Variants in UNC80 observed in about 807,000 individuals in gnomAD.
UNC80 encodes protein unc-80 homolog.
In UNC80, 164 loss-of-function variants were observed where a neutral mutation model predicts 384.6. The observed-to-expected ratio is 0.43, with a 90% CI of 0.38 to 0.49. The LOEUF is 0.49. Among genes scored for constraint, UNC80 ranks in the 20% least tolerant of loss-of-function variants. The pLI is 0.00. For missense variants in UNC80, 3,330 were observed against 4,143.0 expected, an observed-to-expected ratio of 0.80 and a Z score of 5.39; for synonymous variants, 1,486 against 1,527.8, an observed-to-expected ratio of 0.97 and a Z score of 0.64.
At chr2:209,994,938 TA>T (rs772197738) in intron 64 of UNC80, among the ~76,000 whole-genome samples, 2 of 152,234 alleles carry the variant, frequency 1.3e-5, no homozygotes, top group African/African-American at 2.4e-5. Context: ...TGTTTTGGTA[TA>T]TTTTTTCTTT....
chr2:209,801,315 G>A (rs1003127465), intron 7 of UNC80, among the ~76,000 whole-genome samples: 7 of 147,618 alleles, frequency 4.7e-5, no homozygotes, highest in African/African-American at 1.8e-4. Flanking sequence ...GCCTTTCTTT[G>A]CCTTTTTTGA....
intron 4 of UNC80, among the ~76,000 whole-genome samples, chr2:209,780,706 G>C (rs1452894445): frequency 6.6e-6 from 1 of 152,142 alleles, no homozygotes; most frequent in Non-Finnish European, 1.5e-5. Context: ...TGGGTGTGTG[G>C]GAGGGAATTG....
intron 48 of UNC80, 91 bp downstream of exon 48, chr2:209,954,361 C>A: frequency 7.7e-7 from 1 of 1,294,132 alleles, no homozygotes; most frequent in Non-Finnish European, 1.0e-6. Flanking sequence ...GGATAAAAAT[C>A]TAAAACCCAA....
Position 209,788,038 on chromosome 2 carries a change from T to C in UNC80, c.725-1494T>C, listed in dbSNP as rs369249866. Reference sequence around the variant, plus strand: ...ATCTTGATGCCGGGTAGGCCTAGGCTAATGTGTGTGTTTGTGTCTTGTTTT... The same window carrying C: ...ATCTTGATGCCGGGTAGGCCTAGGCCAATGTGTGTGTTTGTGTCTTGTTTT... On this transcript the variant is annotated intron_variant, in intron 5 of 64. Coordinates refer to ENST00000673920, the MANE Select transcript of UNC80 (RefSeq NM_001371986.1). Among the ~76,000 whole-genome samples, 26 of 152,258 alleles carry C rather than the reference T, an allele frequency of 1.7e-4. 2 individuals carry two copies. Among genetic ancestry groups the C allele is most frequent in the East Asian group, 1.4e-3 (7 of 5,172 alleles).
At chr2:209,938,318 T>A (rs879398098) in intron 42 of UNC80, among the ~76,000 whole-genome samples, 7 of 152,224 alleles carry the variant, frequency 4.6e-5, no homozygotes, top group Non-Finnish European at 7.3e-5. Context: ...ATTTATTACA[T>A]TCATTTTTAA....
Position 209,922,331 on chromosome 2 carries a change from T to C in UNC80, c.5610T>C (p.Tyr1870=), listed in dbSNP as rs1183821845. Residue 1870 remains tyrosine (Y), a synonymous_variant, in exon 35 of 65, where the codon TAT becomes TAC. Transcript: ENST00000673920. ...SCTSSTSHRN[Y]SFRRGSVWSV... is the part of the protein sequence containing the mutation. Reference sequence around the variant, plus strand: ...CCTCCAGCACTTCCCACAGGAATTATTCCTTCCGCCGCGGGTCAGTCTGGT... The same window carrying C: ...CCTCCAGCACTTCCCACAGGAATTACTCCTTCCGCCGCGGGTCAGTCTGGT... 1.0e-5 allele frequency: 16 copies of C among 1,552,024 alleles called. No homozygotes were observed. The East Asian group carries it at 1.2e-4, about 12-fold the overall frequency.
At chr2:209,919,276 C>G (rs1158586685) in intron 33 of UNC80, among the ~76,000 whole-genome samples, 1 of 151,964 alleles carries the variant, frequency 6.6e-6, no homozygotes, top group Non-Finnish European at 1.5e-5. Flanking sequence ...TAGTATTTTT[C>G]TAAATTACAA....
At chr2:209,943,600 G>T (rs2091762794) in intron 45 of UNC80, 86 bp downstream of exon 45, 1 of 1,467,618 alleles carries the variant, frequency 6.8e-7, no homozygotes, top group Non-Finnish European at 9.2e-7. Context: ...TATGGCAAGG[G>T]AGTTGGCTAC....
intron 7 of UNC80, among the ~76,000 whole-genome samples, chr2:209,799,622 G>A (rs1357454999): frequency 6.6e-6 from 1 of 152,094 alleles, no homozygotes; most frequent in African/African-American, 2.4e-5. Context: ...AATAGGAGTG[G>A]TAAGAGAGGG....
intron 31 of UNC80, among the ~76,000 whole-genome samples, chr2:209,915,446 C>T (rs768321806): frequency 9.6e-4 from 144 of 149,514 alleles, no homozygotes; most frequent in Non-Finnish European, 1.6e-3. Flanking sequence ...TGAATGTGGA[C>T]GTGCACTGGG....
At chr2:209,787,004 TATATATATATATATA>T (rs2153825297) in intron 5 of UNC80, among the ~76,000 whole-genome samples, 1 of 138,406 alleles carries the variant, frequency 7.2e-6, no homozygotes, top group South Asian at 2.2e-4. Context: ...TATATATATA[TATATATATATATATA>T]CCTATATATT....
chr2:209,976,305 TGTG>T lies in UNC80; in HGVS notation c.8772+6_8772+8del. 6.4e-7 allele frequency: 1 copy of T among 1,551,680 alleles called. No homozygotes were observed. The highest frequency in any genetic ancestry group is 8.7e-7 in the Non-Finnish European group (1 of 1,146,984). On this transcript the variant is annotated splice_donor_5th_base_variant and intron_variant, in intron 57 of 64. Coordinates refer to ENST00000673920, the MANE Select transcript of UNC80 (RefSeq NM_001371986.1). This position sits in a 1 kb window ranked among gnomAD's most constrained non-coding sequence, Gnocchi z 4.3. ...TTGCGCCCTTTCATCCAGTGCAAGGTGTGGTGTGTGCTTCTCCTCCTGAAAGTG... is the reference window on the plus strand; with the variant it reads ...TTGCGCCCTTTCATCCAGTGCAAGGTGTGTGTGCTTCTCCTCCTGAAAGTG...
chr2:209,875,425 A>G (rs981609873), intron 23 of UNC80, among the ~76,000 whole-genome samples: 1 of 152,110 alleles, frequency 6.6e-6, no homozygotes, highest in African/African-American at 2.4e-5. Flanking sequence ...TTTCCTCCTA[A>G]TGTATGTTCA....
chr2:209,786,615 G>C (rs571887577), intron 5 of UNC80, among the ~76,000 whole-genome samples: 7 of 152,042 alleles, frequency 4.6e-5, no homozygotes, highest in Non-Finnish European at 1.5e-5. Flanking sequence ...TCTTAGTGTT[G>C]TATTGTTATC....
intron 7 of UNC80, among the ~76,000 whole-genome samples, chr2:209,808,511 G>A (rs1379983754): frequency 2.8e-5 from 4 of 141,782 alleles, no homozygotes; most frequent in East Asian, 2.0e-4. Flanking sequence ...GTAGTGAGCC[G>A]ATATCGCGCC....
intron 39 of UNC80, 26 bp downstream of exon 39, chr2:209,934,031 C>T: frequency 1.3e-6 from 2 of 1,496,852 alleles, no homozygotes; most frequent in Non-Finnish European, 1.8e-6. Flanking sequence ...TTTTTAGTAA[C>T]ATAACTTTAA....
intron 25 of UNC80, among the ~76,000 whole-genome samples, chr2:209,884,224 T>C (rs1342223194): frequency 2.0e-5 from 3 of 152,218 alleles, no homozygotes; most frequent in Non-Finnish European, 4.4e-5. Flanking sequence ...GCTGGTCTAC[T>C]AAAATGTTTC....
At chr2:209,964,733 G>A (rs1464317507) in intron 51 of UNC80, among the ~76,000 whole-genome samples, 1 of 149,390 alleles carries the variant, frequency 6.7e-6, no homozygotes, top group South Asian at 2.1e-4. Context: ...GTTGCAGTGA[G>A]CCGAGATCGC....
At chr2:209,875,880 T>C (rs1393058516) in intron 23 of UNC80, among the ~76,000 whole-genome samples, 1 of 152,188 alleles carries the variant, frequency 6.6e-6, no homozygotes, top group East Asian at 1.9e-4. Context: ...TTTATTTTTT[T>C]ATTTCAGTGG....
Sources: gnomAD v4.1 joint callset for allele counts (sites outside exome capture counted in the v4.1 genomes callset) on GRCh38, gnomAD v4.1.1 for gene constraint, Gnocchi (gnomAD v3.1) non-coding constraint, MANE v1.5 for transcripts, NCBI Gene and HGNC (gene_info 2026-07-23, HGNC 2026-07-21) for gene names.